The following PKD1L3 variants were observed in gnomAD, a reference collection of about 807,000 sequenced individuals.
PKD1L3 encodes the protein polycystin-1-like protein 3.
A neutral mutation model predicts 184.1 loss-of-function variants in PKD1L3; 239 were observed. The observed-to-expected ratio is 1.30, with a 90% CI of 1.17 to 1.45. The LOEUF is 1.45. PKD1L3 is among the 40% of genes most tolerant of loss of function. The pLI, the probability that PKD1L3 is intolerant of heterozygous loss-of-function variation, is 0.00. For missense variants in PKD1L3, 2,660 were observed against 2,067.2 expected, an observed-to-expected ratio of 1.29 and a Z score of -5.56; for synonymous variants, 996 against 778.8, an observed-to-expected ratio of 1.28 and a Z score of -4.64.
chr16:71,944,173 G>A lies in PKD1L3; in HGVS notation c.3719-3C>T, dbSNP rs1368466095. ...TGGTACTGACGAAGAACATTTTGCT[G>A]TCAAAAATTCAAATATAGACCAAAG... On this transcript the variant is annotated splice_polypyrimidine_tract_variant and splice_region_variant and intron_variant, in intron 22 of 29. Transcript: ENST00000620267. The A allele has an allele frequency of 6.5e-7, 1 of 1,547,344 alleles. No individual in the cohort carries two copies. The highest frequency in any genetic ancestry group is 1.2e-5 in the South Asian group (1 of 83,380).
At chr16:71,954,018 C>T in intron 17 of PKD1L3, 87 bp downstream of exon 17, 7 of 1,182,984 alleles carry the variant, frequency 5.9e-6, no homozygotes, top group Non-Finnish European at 7.9e-6. Flanking sequence ...GAGTTCTAGA[C>T]CAGCCTGGGT....
Position 71,993,311 on chromosome 16 carries a change from G to C in PKD1L3, c.440C>G (p.Ala147Gly). ...CQTGDFLDGD[A>G]HYERNGNNSH... ...ATTATTTCCATTTCTTTCATAATGG[G>C]CATCTCCGTCCAAAAAGTCACCTAT... The change falls in exon 3 of 30, where the codon GCC becomes GGC. Residue 147 changes from alanine (A) to glycine (G), a missense_variant. Physicochemically the swap from Ala to Gly is moderately conservative, Grantham distance 60. Coordinates refer to ENST00000620267, the MANE Select transcript of PKD1L3 (RefSeq NM_181536.2). The C allele has an allele frequency of 1.3e-6, 2 of 1,547,398 alleles. No individual in the cohort carries two copies. Among genetic ancestry groups the C allele is most frequent in the South Asian group, 1.2e-5 (1 of 83,520 alleles).
At position 71,999,895 on chromosome 16, in the gene PKD1L3, T is replaced by G; in HGVS notation, c.84A>C (p.Pro28=). The part of the protein sequence containing the change: ...ILGSELNSPA[P]HGQNNCYQLN... The stretch of plus-strand genomic sequence containing the variant: ...GCTGGTAACAATTATTTTGCCCATG[T>G]GGTGCTGGGCTGTTTAGCTCACTTC... Residue 28 remains proline, a synonymous_variant, in exon 1 of 30, where the codon CCA becomes CCC. Coordinates refer to ENST00000620267, the MANE Select transcript of PKD1L3 (RefSeq NM_181536.2). The G allele has an allele frequency of 6.4e-6, 10 of 1,551,836 alleles. No homozygotes were observed. Among genetic ancestry groups the G allele is most frequent in the Non-Finnish European group, 8.7e-6 (10 of 1,146,996 alleles).
intron 2 of PKD1L3, among the ~76,000 whole-genome samples, chr16:71,993,806 G>A (rs1173685916): frequency 1.3e-5 from 2 of 152,054 alleles, no homozygotes; most frequent in East Asian, 3.9e-4. Flanking sequence ...GACAATTTTT[G>A]CTCTGTTGCC....
At chr16:71,977,072 A>C (rs2039953951) in intron 11 of PKD1L3, among the ~76,000 whole-genome samples, 164 bp downstream of exon 11, 1 of 152,154 alleles carries the variant, frequency 6.6e-6, no homozygotes. Flanking sequence ...AATTAGCCAG[A>C]TGTGGTGGTG....
At chr16:71,973,264 C>T (rs2039786492) in intron 12 of PKD1L3, 60 bp downstream of exon 12, 4 of 1,491,066 alleles carry the variant, frequency 2.7e-6, no homozygotes, top group Admixed American at 2.1e-5. Context: ...ATAACGGATG[C>T]ATTGGGCTTA....
chr16:71,997,922 TCTC>T (rs890316796), intron 2 of PKD1L3, among the ~76,000 whole-genome samples: 2 of 152,126 alleles, frequency 1.3e-5, no homozygotes, highest in Admixed American at 6.5e-5. Flanking sequence ...CTTATTCTCT[TCTC>T]CTCCTTCTCT....
chr16:71,998,375 C>T lies in PKD1L3; in HGVS notation c.315G>A (p.Gly105=), dbSNP rs1251169534. The change falls in exon 2 of 30, where the codon GGG becomes GGA. Residue 105 remains glycine, a synonymous_variant. Coordinates refer to ENST00000620267, the MANE Select transcript of PKD1L3 (RefSeq NM_181536.2). ...NKYPADVAAN[G]PPKPLSCTYL... is the part of the protein sequence containing the mutation. ...AGGTGCAGCTGAGGGGCTTTGGGGG[C>T]CCGTTGGCTGCAACGTCTGCTGAGG... 1 of 1,551,562 alleles carries T rather than the reference C, an allele frequency of 6.4e-7. No homozygotes were observed. Among genetic ancestry groups the T allele is most frequent in the East Asian group, 2.4e-5 (1 of 40,930 alleles).
rs1252029754 is a variant in PKD1L3, at chr16:71,937,281, TA to T, written c.4452+10del. On this transcript the variant is annotated intron_variant, in intron 25 of 29. Coordinates refer to ENST00000620267, the MANE Select transcript of PKD1L3 (RefSeq NM_181536.2). ...TGTTGCCCAGGCTGACATCTAACAT[TA>T]TTGACTCACCTGTATGAAGGCATAG... 1 of 1,548,410 alleles carries T rather than the reference TA, an allele frequency of 6.5e-7. No individual in the cohort carries two copies. Among genetic ancestry groups the T allele is most frequent in the Non-Finnish European group, 8.7e-7 (1 of 1,145,990 alleles).
At chr16:71,933,716 G>C (rs1019278011) in intron 27 of PKD1L3, among the ~76,000 whole-genome samples, 195 bp from the exon 28 acceptor site, 2 of 152,092 alleles carry the variant, frequency 1.3e-5, no homozygotes, top group South Asian at 4.2e-4. Flanking sequence ...TTATATTACC[G>C]TGTGAGCTAA....
Position 71,942,665 on chromosome 16 carries a change from A to G in PKD1L3, c.4219T>C (p.Phe1407Leu), listed in dbSNP as rs895932981. 6.4e-7 allele frequency: 1 copy of G among 1,550,968 alleles called. No individual in the cohort carries two copies. The highest frequency in any genetic ancestry group is 1.4e-5 in the African/African-American group (1 of 72,808). ...GGCCTGGGTGAACAGATGTAACTGA[A>G]CCTCCTTAGATGAAGTCCAGGGAAT... ...SLFPGLHLRR[F>L]SYICSPRPMV... Residue 1407 changes from phenylalanine to leucine, a missense_variant, in exon 24 of 30, where the codon TTC (phenylalanine) becomes CTC (leucine). Physicochemically the swap from Phe to Leu is conservative, Grantham distance 22. Transcript: ENST00000620267.
At chr16:71,974,103 G>A (rs948677950) in intron 11 of PKD1L3, among the ~76,000 whole-genome samples, 3 of 152,108 alleles carry the variant, frequency 2.0e-5, no homozygotes, top group Non-Finnish European at 4.4e-5. Context: ...AATGAAATGA[G>A]CACATATCTA....
chr16:71,984,216 A>T, intron 5 of PKD1L3, 49 bp from the exon 6 acceptor site: 1 of 1,522,354 alleles, frequency 6.6e-7, no homozygotes, highest in Non-Finnish European at 8.9e-7. Context: ...AAATTACTGT[A>T]CTGTAGTAGT....
intron 24 of PKD1L3, among the ~76,000 whole-genome samples, chr16:71,942,296 G>A (rs2038388114): frequency 6.6e-6 from 1 of 152,126 alleles, no homozygotes; most frequent in African/African-American, 2.4e-5. Flanking sequence ...TGGTGCCACT[G>A]CACTCCAGCC....
chr16:71,953,842 C>G (rs1348998170), intron 17 of PKD1L3, among the ~76,000 whole-genome samples: 1 of 152,184 alleles, frequency 6.6e-6, no homozygotes, highest in Non-Finnish European at 1.5e-5. Context: ...TGGGTGGGGA[C>G]ACAGAGCCAA....
Position 71,998,261 on chromosome 16 carries a change from T to G in PKD1L3, c.418+11A>C. The G allele has an allele frequency of 4.5e-6, 7 of 1,551,818 alleles. No homozygotes were observed. The highest frequency in any genetic ancestry group is 6.1e-6 in the Non-Finnish European group (7 of 1,146,940). On this transcript the variant is annotated intron_variant, in intron 2 of 29. Transcript: ENST00000620267. ...TTTGGGTCTTTGGCAGCATGTAGCT[T>G]TATCACTTACCAGTCTGGCAAATGA...
intron 4 of PKD1L3, among the ~76,000 whole-genome samples, chr16:71,988,760 T>C (rs907795091): frequency 3.3e-5 from 5 of 152,190 alleles, no homozygotes; most frequent in African/African-American, 1.2e-4. Context: ...GTCCAAGTTT[T>C]ATGTGGCACA....
chr16:71,977,106 A>C, intron 11 of PKD1L3, 130 bp downstream of exon 11: 1 of 713,150 alleles, frequency 1.4e-6, no homozygotes, highest in Non-Finnish European at 2.3e-6. Flanking sequence ...CCAGCTACTT[A>C]AGAGGCTAAG....
At chr16:71,980,849 A>C (rs935998066) in intron 7 of PKD1L3, among the ~76,000 whole-genome samples, 2 of 152,118 alleles carry the variant, frequency 1.3e-5, no homozygotes, top group Admixed American at 1.3e-4. Flanking sequence ...AATAAAATAA[A>C]CCTGGTACCC....
Sources: allele counts gnomAD v4.1 joint callset (sites outside exome capture counted in the v4.1 genomes callset), GRCh38; gene constraint gnomAD v4.1.1; transcripts MANE v1.5; gene names NCBI Gene and HGNC (gene_info 2026-07-23, HGNC 2026-07-21).